PARD3B: variants seen among roughly 807,000 people sequenced by gnomAD.
PARD3B encodes the protein partitioning defective 3 homolog B.
PARD3B carries 103 observed loss-of-function variants against 130.2 expected under a neutral mutation model. That is an observed-to-expected ratio of 0.79 (90% CI 0.67 to 0.93). The LOEUF (loss-of-function observed/expected upper bound fraction) is 0.93. Ranked by LOEUF, PARD3B falls within the 40% of genes least tolerant of loss-of-function variation. The probability of loss-of-function intolerance (pLI) is 0.00; values close to 1 mark genes in which losing one functional copy is unlikely to be tolerated. For missense variants in PARD3B, 1,609 were observed against 1,499.2 expected, an observed-to-expected ratio of 1.07 and a Z score of -1.21; for synonymous variants, 583 against 553.2, an observed-to-expected ratio of 1.05 and a Z score of -0.76.
intron 2 of PARD3B, among the ~76,000 whole-genome samples, chr2:204,807,451 C>G (rs1261524753): frequency 6.6e-6 from 1 of 151,980 alleles, no homozygotes; most frequent in Non-Finnish European, 1.5e-5. Context: ...TCAAAAGAAA[C>G]AAAAATAGAA....
At chr2:204,680,009 G>A (rs976185259) in intron 1 of PARD3B, among the ~76,000 whole-genome samples, 7 of 151,968 alleles carry the variant, frequency 4.6e-5, no homozygotes, top group African/African-American at 1.4e-4. Flanking sequence ...GAAAGAGAGA[G>A]ACTGGGATAT....
intron 7 of PARD3B, among the ~76,000 whole-genome samples, 194 bp downstream of exon 7, chr2:205,119,240 C>G (rs1349128462): frequency 6.6e-6 from 1 of 152,144 alleles, no homozygotes; most frequent in Non-Finnish European, 1.5e-5. Context: ...TCTGGCAGGT[C>G]TGAGAATGCT....
intron 2 of PARD3B, among the ~76,000 whole-genome samples, chr2:204,721,227 T>G (rs938990990): frequency 6.6e-6 from 1 of 152,178 alleles, no homozygotes; most frequent in East Asian, 1.9e-4. Flanking sequence ...AATTAGAGTT[T>G]AAGACACTCA....
chr2:204,682,064 C>T (rs1318442241), intron 1 of PARD3B, among the ~76,000 whole-genome samples: 1 of 152,122 alleles, frequency 6.6e-6, no homozygotes, highest in African/African-American at 2.4e-5. Flanking sequence ...TGTCACCCCC[C>T]ATGTCTCTGC....
rs953532561 is a variant in PARD3B, at chr2:205,352,606, A to G, written c.2631-48407A>G. On this transcript the variant is annotated intron_variant, in intron 18 of 22. Transcript: ENST00000406610. This position sits in a 1 kb window ranked among gnomAD's most constrained non-coding sequence, Gnocchi z 5.2. ...GAGAAATAGAAGGCACGAAATAACCATTTTGGAGCAGATACACAGGCATCA... is the reference window on the plus strand; with the variant it reads ...GAGAAATAGAAGGCACGAAATAACCGTTTTGGAGCAGATACACAGGCATCA... 7.9e-5 allele frequency among the ~76,000 whole-genome samples: 12 copies of G among 152,186 alleles called. No individual in the cohort carries two copies. The highest frequency in any genetic ancestry group is 6.5e-5 in the Admixed American group (1 of 15,288).
chr2:205,156,378 A>G lies in PARD3B; in HGVS notation c.1435-2344A>G, dbSNP rs544493027. On this transcript the variant is annotated intron_variant, in intron 10 of 22. Coordinates refer to ENST00000406610, the MANE Select transcript of PARD3B (RefSeq NM_001302769.2). ...GTATACATATGTAACTAACCTGCACATTGTGCACATGTACCCTAAAACTTA... is the reference window on the plus strand; with the variant it reads ...GTATACATATGTAACTAACCTGCACGTTGTGCACATGTACCCTAAAACTTA... Among the ~76,000 whole-genome samples the G allele has an allele frequency of 4.7e-4, 71 of 152,028 alleles. 1 individual carries two copies. Among genetic ancestry groups the G allele is most frequent in the Middle Eastern group, 6.8e-3 (2 of 294 alleles).
intron 2 of PARD3B, among the ~76,000 whole-genome samples, chr2:204,959,090 A>G (rs565571386): frequency 1.3e-5 from 2 of 151,862 alleles, no homozygotes; most frequent in African/African-American, 4.8e-5. Context: ...TTACCTCTGC[A>G]TGCATTAGGT....
At chr2:205,505,656 C>A (rs934734624) in intron 21 of PARD3B, among the ~76,000 whole-genome samples, 2 of 152,142 alleles carry the variant, frequency 1.3e-5, no homozygotes, top group Non-Finnish European at 2.9e-5. Context: ...TACCTGTTAT[C>A]TGCTGGTATT....
At position 205,553,407 on chromosome 2, in the gene PARD3B, G is replaced by T; in HGVS notation, c.3260+4G>T. On this transcript the variant is annotated splice_donor_region_variant and intron_variant, in intron 22 of 22. Coordinates refer to ENST00000406610, the MANE Select transcript of PARD3B (RefSeq NM_001302769.2). ...GGCAGTACGCATCCTTACCCAGGTAGATCACGGAGAGGTCTCCCATCTCCA... is the reference window on the plus strand; with the variant it reads ...GGCAGTACGCATCCTTACCCAGGTATATCACGGAGAGGTCTCCCATCTCCA... 1 of 1,613,342 alleles carries T rather than the reference G, an allele frequency of 6.2e-7. No homozygotes were observed. The highest frequency in any genetic ancestry group is 8.5e-7 in the Non-Finnish European group (1 of 1,179,348).
intron 2 of PARD3B, among the ~76,000 whole-genome samples, chr2:204,709,872 C>A (rs960610919): frequency 6.6e-6 from 1 of 152,172 alleles, no homozygotes; most frequent in Non-Finnish European, 1.5e-5. Flanking sequence ...GGATTATTAA[C>A]TTTAAAGGAC....
chr2:205,020,681 G>C (rs1364490692), intron 3 of PARD3B, among the ~76,000 whole-genome samples: 1 of 152,082 alleles, frequency 6.6e-6, no homozygotes, highest in Admixed American at 6.6e-5. Context: ...TTATATGTAG[G>C]AAAATTATCT....
At position 205,521,656 on chromosome 2, in the gene PARD3B, G is replaced by C. The variant is rs191166648; in HGVS notation, c.3180+21625G>C. On this transcript the variant is annotated intron_variant, in intron 21 of 22. Coordinates refer to ENST00000406610, the MANE Select transcript of PARD3B (RefSeq NM_001302769.2). ...ATAAGTCTACACTTACATGCTGTCT[G>C]TTTTGTCCTTTAGAGAGACCTGGGC... Among the ~76,000 whole-genome samples, 3 of 152,126 alleles carry C rather than the reference G, an allele frequency of 2.0e-5. No individual in the cohort carries two copies. The East Asian group carries it at 5.8e-4, about 29-fold the overall frequency.
chr2:204,859,266 T>A (rs576440004), intron 2 of PARD3B, among the ~76,000 whole-genome samples: 26 of 152,212 alleles, frequency 1.7e-4, no homozygotes, highest in African/African-American at 6.3e-4. Flanking sequence ...TGCTGTTCTG[T>A]TGTGAATAAA....
intron 2 of PARD3B, among the ~76,000 whole-genome samples, chr2:204,848,247 G>A (rs2044548844): frequency 6.6e-6 from 1 of 152,114 alleles, no homozygotes; most frequent in Admixed American, 6.6e-5. Context: ...AGCATCTACT[G>A]GCGGTCTTGG....
chr2:205,574,644 G>A (rs1194300480), intron 22 of PARD3B, among the ~76,000 whole-genome samples: 1 of 152,066 alleles, frequency 6.6e-6, no homozygotes, highest in East Asian at 1.9e-4. Context: ...CCAGTGGGGG[G>A]GCAACTTCAC....
chr2:205,202,900 A>T (rs537711360), intron 15 of PARD3B, among the ~76,000 whole-genome samples: 1 of 152,168 alleles, frequency 6.6e-6, no homozygotes, highest in African/African-American at 2.4e-5. Context: ...AAATTCTCCT[A>T]AAGTTAAGTA....
At chr2:204,808,370 C>A (rs909618686) in intron 2 of PARD3B, among the ~76,000 whole-genome samples, 1 of 152,056 alleles carries the variant, frequency 6.6e-6, no homozygotes, top group Admixed American at 6.6e-5. Context: ...CAGGAGTACA[C>A]ATACAGGTTT....
chr2:205,325,193 AT>A lies in PARD3B; in HGVS notation c.2630+23497del, dbSNP rs1280067843. On this transcript the variant is annotated intron_variant, in intron 18 of 22. Coordinates refer to ENST00000406610, the MANE Select transcript of PARD3B (RefSeq NM_001302769.2). The surrounding 1 kb of genome is among the most constrained non-coding windows in gnomAD (Gnocchi z 4.1). ...AACATATATTTGATCTTCTACCAAA[AT>A]TTTTGCTGTGGTTTCACAGTTTCTT... Among the ~76,000 whole-genome samples the A allele has an allele frequency of 6.6e-6, 1 of 152,088 alleles. No homozygotes were observed. Among genetic ancestry groups the A allele is most frequent in the East Asian group, 1.9e-4 (1 of 5,192 alleles).
chr2:205,424,594 G>A (rs2106105953), intron 19 of PARD3B, among the ~76,000 whole-genome samples: 1 of 152,302 alleles, frequency 6.6e-6, no homozygotes, highest in Non-Finnish European at 1.5e-5. Context: ...AGCCAGGTGT[G>A]AAATTCCAGG....
Sources: gnomAD v4.1 joint callset for allele counts (sites outside exome capture counted in the v4.1 genomes callset) on GRCh38, gnomAD v4.1.1 for gene constraint, Gnocchi (gnomAD v3.1) non-coding constraint, MANE v1.5 for transcripts, NCBI Gene and HGNC (gene_info 2026-07-23, HGNC 2026-07-21) for gene names.